NXN: variants seen among roughly 807,000 people sequenced by gnomAD.
The protein encoded by NXN is nucleoredoxin 1.
In NXN, 16 loss-of-function variants were observed where a neutral mutation model predicts 48.6. The ratio of observed to expected loss-of-function variants is 0.33; its 90% CI spans 0.22 to 0.50. The LOEUF (loss-of-function observed/expected upper bound fraction) is 0.50. Among genes scored for constraint, NXN ranks in the 20% least tolerant of loss-of-function variants. The pLI, the probability that NXN is intolerant of heterozygous loss-of-function variation, is 0.98. For synonymous variants in NXN, 281 were observed against 269.6 expected, an observed-to-expected ratio of 1.04 and a Z score of -0.41; for missense variants, 492 against 605.5, an observed-to-expected ratio of 0.81 and a Z score of 1.97.
chr17:931,895 G>A (rs1291168472), intron 1 of NXN, among the ~76,000 whole-genome samples: 2 of 150,650 alleles, frequency 1.3e-5, no homozygotes, highest in South Asian at 2.1e-4. Flanking sequence ...TGTAATCCCA[G>A]CACTTTGGGA....
intron 1 of NXN, among the ~76,000 whole-genome samples, chr17:886,395 G>A (rs2068348008): frequency 1.3e-5 from 2 of 152,260 alleles, no homozygotes; most frequent in East Asian, 1.9e-4. Flanking sequence ...TCCAAGAGAC[G>A]TAAGATAGAT....
intron 1 of NXN, among the ~76,000 whole-genome samples, chr17:947,801 G>A (rs550202843): frequency 6.7e-6 from 1 of 149,838 alleles, no homozygotes; most frequent in African/African-American, 2.5e-5. Flanking sequence ...ACTTTGGGAG[G>A]CCGAGGCGAG....
chr17:901,077 C>A (rs944774025), intron 1 of NXN, among the ~76,000 whole-genome samples: 1 of 151,976 alleles, frequency 6.6e-6, no homozygotes, highest in African/African-American at 2.4e-5. Context: ...TCCACCACCA[C>A]GCCTGGCTAA....
chr17:850,902 G>T (rs1277898886), intron 1 of NXN, among the ~76,000 whole-genome samples: 1 of 152,216 alleles, frequency 6.6e-6, no homozygotes, highest in African/African-American at 2.4e-5. Flanking sequence ...CGGGCAGAGG[G>T]TGGAGTTTCT....
chr17:819,763 A>T (rs1912717555), intron 4 of NXN, among the ~76,000 whole-genome samples: 1 of 152,066 alleles, frequency 6.6e-6, no homozygotes, highest in East Asian at 1.9e-4. Context: ...GTGCCGGCTA[A>T]GACGCCAGCC....
chr17:819,378 C>T (rs754795821), intron 5 of NXN, 61 bp downstream of exon 5: 26 of 1,159,920 alleles, frequency 2.2e-5, no homozygotes, highest in African/African-American at 2.1e-4. Context: ...GCCAAAGACA[C>T]GGTGAGCTCA....
intron 5 of NXN, among the ~76,000 whole-genome samples, chr17:815,994 G>C (rs985584934): frequency 6.6e-6 from 1 of 152,190 alleles, no homozygotes; most frequent in Admixed American, 6.5e-5. Flanking sequence ...GGGGAACAGG[G>C]ATTAGAAGAA....
rs115626634 is a variant in NXN at position 896,636 on chromosome 17, T to C, written c.361-70558A>G. 3.0e-3 allele frequency among the ~76,000 whole-genome samples: 464 copies of C among 152,336 alleles called. 1 individual carries two copies. Among genetic ancestry groups the C allele is most frequent in the African/African-American group, 0.011 (449 of 41,580 alleles). On this transcript the variant is annotated intron_variant, in intron 1 of 7. Transcript: ENST00000336868. ...TTCAACTTCGCTTTAAAGTAAAATA[T>C]AAACATTTATTAAACTATCCAGTTC...
intron 5 of NXN, among the ~76,000 whole-genome samples, chr17:811,391 G>A (rs1024581727): frequency 6.6e-6 from 1 of 152,216 alleles, no homozygotes; most frequent in Admixed American, 6.5e-5. Flanking sequence ...GGATGACTCA[G>A]ACAACTGCTA....
rs530923203 is a variant in NXN, at chr17:856,255, A to T, written c.361-30177T>A. Among the ~76,000 whole-genome samples, 247 of 152,258 alleles carry T rather than the reference A, an allele frequency of 1.6e-3. 1 individual carries two copies. The highest frequency in any genetic ancestry group is 3.1e-3 in the Admixed American group (47 of 15,290). ...CCAAAAATATTTTGCATCATGGCCG[A>T]GGACAGAAAAAGCCTAAAACCCTGA... On this transcript the variant is annotated intron_variant, in intron 1 of 7. Coordinates refer to ENST00000336868, the MANE Select transcript of NXN (RefSeq NM_022463.5).
chr17:820,586 C>G (rs56110204), intron 4 of NXN, among the ~76,000 whole-genome samples: 1 of 72,626 alleles, frequency 1.4e-5, no homozygotes, highest in Non-Finnish European at 2.4e-5. Context: ...CACTCCAGCC[C>G]GGGCGACAGA....
chr17:972,800 CGCGGGT>C (rs2069403043), intron 1 of NXN, among the ~76,000 whole-genome samples: 1 of 152,064 alleles, frequency 6.6e-6, no homozygotes, highest in Non-Finnish European at 1.5e-5. Flanking sequence ...GGGAGGCTGA[CGCGGGT>C]GGATCACGAG....
chr17:816,023 TG>T (rs1912451666), intron 5 of NXN, among the ~76,000 whole-genome samples: 1 of 152,068 alleles, frequency 6.6e-6, no homozygotes, highest in South Asian at 2.1e-4. Flanking sequence ...TATCTCTGTA[TG>T]GAGAAAGGAT....
rs1597612346 is a variant in NXN at position 807,612 on chromosome 17, T to TC, written c.821-2366_821-2365insG. On this transcript the variant is annotated intron_variant, in intron 5 of 7. Transcript: ENST00000336868. ...TGGCTTCTGAGGAGCACTCAGGGGC[T>TC]TCCCCGAGGAACGGCTCCTCCTAAG... 1.3e-4 allele frequency among the ~76,000 whole-genome samples: 17 copies of TC among 132,160 alleles called. No homozygotes were observed. The South Asian group carries it at 1.4e-3, about 11-fold the overall frequency. The allele number at this position is 132,160 out of a possible 152,430, so 86.7% of individuals were successfully genotyped here. A position where few individuals can be genotyped will look rare whatever the true frequency, so the allele number is the denominator to read the frequency against.
At chr17:953,285 C>G (rs181993514) in intron 1 of NXN, among the ~76,000 whole-genome samples, 4,133 of 152,180 alleles carry the variant, frequency 0.027, 79 homozygotes, top group Admixed American at 0.048. Context: ...CATGGTGGCT[C>G]ACGCCTGTAA....
chr17:803,037 G>A (rs1009634191), intron 7 of NXN, among the ~76,000 whole-genome samples: 5 of 152,180 alleles, frequency 3.3e-5, no homozygotes, highest in South Asian at 2.1e-4. Context: ...GCTGAGTCGC[G>A]GAGACGCCCG....
At chr17:881,264 G>A (rs1024694490) in intron 1 of NXN, among the ~76,000 whole-genome samples, 2 of 152,210 alleles carry the variant, frequency 1.3e-5, no homozygotes, top group African/African-American at 4.8e-5. Flanking sequence ...CTTTGTTGTT[G>A]TTTGAGACAG....
chr17:978,002 G>C lies in NXN; in HGVS notation c.360+1317C>G, dbSNP rs1006440255. 6.6e-6 allele frequency among the ~76,000 whole-genome samples: 1 copy of C among 152,092 alleles called. No homozygotes were observed. Among genetic ancestry groups the C allele is most frequent in the African/African-American group, 2.4e-5 (1 of 41,406 alleles). On this transcript the variant is annotated intron_variant, in intron 1 of 7. Transcript: ENST00000336868. The surrounding 1 kb of genome is among the most constrained non-coding windows in gnomAD (Gnocchi z 4.1). ...AACTGTATTTCATACTTTAAATCTCGAATCTCTACCTCCCACTGCTTCGGG... is the reference window on the plus strand; with the variant it reads ...AACTGTATTTCATACTTTAAATCTCCAATCTCTACCTCCCACTGCTTCGGG...
chr17:971,216 G>T (rs947912950), intron 1 of NXN, among the ~76,000 whole-genome samples: 14 of 151,920 alleles, frequency 9.2e-5, no homozygotes, highest in African/African-American at 3.4e-4. Flanking sequence ...ACAGTGCTGG[G>T]ATTACAGGCG....
Sources: gnomAD v4.1 joint callset for allele counts (sites outside exome capture counted in the v4.1 genomes callset) on GRCh38, gnomAD v4.1.1 for gene constraint, Gnocchi (gnomAD v3.1) non-coding constraint, MANE v1.5 for transcripts, NCBI Gene and HGNC (gene_info 2026-07-23, HGNC 2026-07-21) for gene names.